The following ELK1 variants were observed in gnomAD, a reference collection of about 807,000 sequenced individuals.
The protein encoded by ELK1 is ETS transcription factor ELK1, also known as ETS domain-containing protein Elk-1.
For missense variants in ELK1, 254 were observed against 381.5 expected (o/e 0.67, Z 2.78); for synonymous variants, 163 against 176.3 (o/e 0.92, Z 0.60).
At chrX:47,638,845 C>T in intron 4 of ELK1, 50 bp downstream of exon 4, 1 of 1,150,812 alleles carries the variant, frequency 8.7e-7, no homozygotes, top group Non-Finnish European at 1.2e-6. Flanking sequence ...ATTACACATC[C>T]CTCCTCTTTA....
Position 47,637,775 on chromosome X carries a change from T to C in ELK1, c.1062A>G (p.Pro354=). Residue 354 remains proline, a synonymous_variant, in exon 5 of 7, where the codon CCA becomes CCG. Transcript: ENST00000376983. ...GLQAPGPALT[P]SLLPTHTLTP... ...CCAATGTATGCGTAGGAAGCAGGGA[T>C]GGGGTCAGCGCCGGCCCCGGAGCCT... 2 of 1,194,064 alleles carry C rather than the reference T, an allele frequency of 1.7e-6. No homozygotes were observed. Among genetic ancestry groups the C allele is most frequent in the Non-Finnish European group, 2.3e-6 (2 of 885,767 alleles).
At chrX:47,646,775 CT>C (rs924804049) in intron 2 of ELK1, among the ~76,000 whole-genome samples, 2 of 112,322 alleles carry the variant, frequency 1.8e-5, no homozygotes, top group Middle Eastern at 4.2e-3. Flanking sequence ...CCTTCTCCCC[CT>C]GCCCCTGCAA....
intron 2 of ELK1, 43 bp from the exon 3 acceptor site, chrX:47,641,518 G>A: frequency 7.0e-6 from 7 of 999,941 alleles, no homozygotes; most frequent in Non-Finnish European, 9.7e-6. Context: ...GGACATAGGA[G>A]GGGCAGAGGT....
At chrX:47,643,910 C>T (rs1174354997) in intron 2 of ELK1, among the ~76,000 whole-genome samples, 1 of 111,685 alleles carries the variant, frequency 9.0e-6, no homozygotes, top group East Asian at 2.8e-4. Context: ...TTAGGCTAAA[C>T]GGCCCCTCAC....
chrX:47,640,403 G>A (rs889243913), intron 3 of ELK1, among the ~76,000 whole-genome samples: 1 of 111,252 alleles, frequency 9.0e-6, no homozygotes, highest in Non-Finnish European at 1.9e-5. Context: ...GGGTGGGCCT[G>A]TGTTTCTCGG....
At chrX:47,650,349 A>ATCC (rs931935509) in intron 1 of ELK1, 74 bp downstream of exon 1, 110 of 253,850 alleles carry the variant, frequency 4.3e-4, no homozygotes, top group African/African-American at 2.1e-3. Flanking sequence ...GCCAAGCCAC[A>ATCC]TCCTCTGCGC....
chrX:47,638,741 C>T (rs2058018160), intron 4 of ELK1, among the ~76,000 whole-genome samples, 154 bp downstream of exon 4: 1 of 112,217 alleles, frequency 8.9e-6, no homozygotes, highest in Admixed American at 9.4e-5. Flanking sequence ...CTCTCTGCCC[C>T]ACCCCTCCTT....
rs1426379420 is a variant in ELK1, at chrX:47,642,671, T to C, written c.-34-1196A>G. On this transcript the variant is annotated intron_variant, in intron 2 of 6. Transcript: ENST00000376983. ...CGCAGTATAGTGGCACAATCTTGAC[T>C]CACTGCAACCTCTGCCTCCCAGGTT... Among the ~76,000 whole-genome samples, 11 of 108,595 alleles carry C rather than the reference T, an allele frequency of 1.0e-4. No individual in the cohort carries two copies. The Admixed American group carries it at 1.1e-3, about 11-fold the overall frequency. The allele number at this position is 108,595 out of a possible 115,157, so 94.3% of individuals were successfully genotyped here.
intron 3 of ELK1, among the ~76,000 whole-genome samples, chrX:47,640,968 G>A (rs929008230): frequency 4.5e-5 from 5 of 111,361 alleles, no homozygotes; most frequent in African/African-American, 6.6e-5. Flanking sequence ...TGGCAGGGCA[G>A]CATCACTTTG....
At chrX:47,642,465 C>T (rs1043033727) in intron 2 of ELK1, among the ~76,000 whole-genome samples, 7 of 110,783 alleles carry the variant, frequency 6.3e-5, no homozygotes, top group African/African-American at 9.9e-5. Flanking sequence ...TTCCTTCTTT[C>T]GCCTAGCAGT....
chrX:47,646,532 G>C (rs912352078), intron 2 of ELK1, among the ~76,000 whole-genome samples: 2 of 112,287 alleles, frequency 1.8e-5, no homozygotes, highest in Admixed American at 1.9e-4. Flanking sequence ...TGCCTCCATA[G>C]AGCATATTAC....
At position 47,637,110 on chromosome X, in the gene ELK1, G is replaced by A. The variant is rs776005990; in HGVS notation, c.1091C>T (p.Pro364Leu). 8.3e-7 allele frequency: 1 copy of A among 1,205,195 alleles called. No individual in the cohort carries two copies. The change falls in exon 6 of 7, where the codon CCG becomes CTG. Residue 364 changes from proline to leucine, a missense_variant. Transcript: ENST00000376983. The part of the protein sequence containing the change: ...PSLLPTHTLT[P>L]VLLTPSSLPP... The stretch of plus-strand genomic sequence containing the variant: ...CAGCGAGCTGGGTGTCAGCAGCACC[G>A]GGGTCTGTGGGGAGAGGGTGGTCGG...
rs1468847496 is a variant in ELK1 at position 47,635,623 on chromosome X, C to T, written c.*1206G>A. ...GGGGAAGTAAAACAAACAGTGGAGA[C>T]GAGTGTAGCACTGTCCCCCAAATCA... On this transcript the variant is annotated 3_prime_UTR_variant, in exon 7 of 7. Coordinates refer to ENST00000376983, the MANE Select transcript of ELK1 (RefSeq NM_001114123.3). The T allele has an allele frequency of 2.7e-5, 3 of 111,382 alleles. No homozygotes were observed. The highest frequency in any genetic ancestry group is 6.6e-5 in the African/African-American group (2 of 30,397). 9.2% of individuals were successfully genotyped at this position (111,382 alleles called of 1,213,427 possible). A position where few individuals can be genotyped will look rare whatever the true frequency, so the allele number is the denominator to read the frequency against.
chrX:47,638,589 G>C (rs773280648), intron 4 of ELK1, among the ~76,000 whole-genome samples: 1 of 111,928 alleles, frequency 8.9e-6, no homozygotes, highest in South Asian at 3.7e-4. Flanking sequence ...GGCAATCTGT[G>C]GTTTAACAAG....
chrX:47,639,035 G>A lies in ELK1; in HGVS notation c.514C>T (p.Pro172Ser). 1 of 1,203,763 alleles carries A rather than the reference G, an allele frequency of 8.3e-7. No individual in the cohort carries two copies. The highest frequency in any genetic ancestry group is 1.1e-6 in the Non-Finnish European group (1 of 891,770). The change falls in exon 4 of 7, where the codon CCC becomes TCC. Residue 172 changes from proline to serine, a missense_variant. Physicochemically the swap from Pro to Ser is moderately conservative, Grantham distance 74. Transcript: ENST00000376983. The part of the protein sequence containing the change: ...FTIQSLQPQP[P>S]PHPRPAVVLP... Reference sequence around the variant, plus strand: ...ACCACAGCAGGCCGAGGATGAGGGGGTGGCTGCGGCTGCAGAGACTGGATG... The same window carrying A: ...ACCACAGCAGGCCGAGGATGAGGGGATGGCTGCGGCTGCAGAGACTGGATG...
chrX:47,639,401 CA>C (rs1262787969), intron 3 of ELK1, 63 bp from the exon 4 acceptor site: 8 of 950,558 alleles, frequency 8.4e-6, no homozygotes, highest in Admixed American at 2.6e-5. Context: ...GGCAGGGTGT[CA>C]GGGGGGAGGA....
chrX:47,637,108 C>T lies in ELK1; in HGVS notation c.1093G>A (p.Val365Met). 8.3e-7 allele frequency: 1 copy of T among 1,206,729 alleles called. No homozygotes were observed. The highest frequency in any genetic ancestry group is 2.2e-5 in the Admixed American group (1 of 45,662). The change falls in exon 6 of 7, where the codon GTG becomes ATG. Residue 365 changes from valine to methionine, a missense_variant. Coordinates refer to ENST00000376983, the MANE Select transcript of ELK1 (RefSeq NM_001114123.3). ...SLLPTHTLTPVLLTPSSLPPS... is the reference protein window; with the variant it reads ...SLLPTHTLTPMLLTPSSLPPS... ...GGCAGCGAGCTGGGTGTCAGCAGCA[C>T]CGGGGTCTGTGGGGAGAGGGTGGTC...
At chrX:47,644,802 C>T (rs1255564566) in intron 2 of ELK1, among the ~76,000 whole-genome samples, 1 of 110,466 alleles carries the variant, frequency 9.1e-6, no homozygotes, top group Non-Finnish European at 1.9e-5. Context: ...CAGACTGAGC[C>T]AGGCTTTTTC....
In ELK1 at chrX:47,638,165, G is replaced by T. The variant is rs2229088; in HGVS notation, c.672C>A (p.Pro224=). The part of the protein sequence containing the change: ...GLPLQVILTP[P]EAPNLKSEEL... ...CTTCCGATTTCAGGTTTGGGGCCTC[G>T]GGCGGGGTCAGGATGACCTGGTAGA... Residue 224 remains proline, a synonymous_variant, in exon 5 of 7, where the codon CCC becomes CCA. Transcript: ENST00000376983. 6.9e-3 allele frequency: 8,304 copies of T among 1,207,778 alleles called. 31 individuals carry two copies. The highest frequency in any genetic ancestry group is 8.1e-3 in the Non-Finnish European group (7,207 of 893,994).
Sources: allele counts gnomAD v4.1 joint callset (sites outside exome capture counted in the v4.1 genomes callset), GRCh38; gene constraint gnomAD v4.1.1; transcripts MANE v1.5; gene names NCBI Gene and HGNC (gene_info 2026-07-23, HGNC 2026-07-21).